Variants in SGCE observed in about 807,000 individuals in gnomAD.
SGCE encodes the protein sarcoglycan epsilon, also known as epsilon-sarcoglycan.
A neutral mutation model predicts 57.8 loss-of-function variants in SGCE; 26 were observed. That is an observed-to-expected ratio of 0.45 (90% CI 0.33 to 0.62). The LOEUF is 0.62. Among genes scored for constraint, SGCE ranks in the 20% least tolerant of loss-of-function variants. The pLI, the probability that SGCE is intolerant of heterozygous loss-of-function variation, is 0.02. For synonymous variants in SGCE, 183 were observed against 189.5 expected, an observed-to-expected ratio of 0.97 and a Z score of 0.28; for missense variants, 468 against 548.6, an observed-to-expected ratio of 0.85 and a Z score of 1.47.
intron 1 of SGCE, among the ~76,000 whole-genome samples, chr7:94,646,516 T>C (rs1286966507): frequency 6.6e-6 from 1 of 152,190 alleles, no homozygotes; most frequent in Non-Finnish European, 1.5e-5. Flanking sequence ...AAACAATGCA[T>C]ATAAGCAACA....
chr7:94,602,606 G>GAA (rs1799440154), intron 6 of SGCE, among the ~76,000 whole-genome samples: 1 of 151,278 alleles, frequency 6.6e-6, no homozygotes, highest in Non-Finnish European at 1.5e-5. Flanking sequence ...ACAAAGAATT[G>GAA]AAACAACTCT....
At chr7:94,631,999 C>T (rs1804796574) in intron 1 of SGCE, among the ~76,000 whole-genome samples, 1 of 151,930 alleles carries the variant, frequency 6.6e-6, no homozygotes, top group African/African-American at 2.4e-5. Flanking sequence ...ATAATTGTAT[C>T]AATGCCTATG....
chr7:94,629,630 A>C, intron 2 of SGCE, 89 bp downstream of exon 2: 1 of 1,153,156 alleles, frequency 8.7e-7, no homozygotes, highest in South Asian at 1.3e-5. Flanking sequence ...AATAATGTTA[A>C]TGATATTTTA....
chr7:94,636,216 A>C (rs1171318209), intron 1 of SGCE, among the ~76,000 whole-genome samples: 4 of 152,216 alleles, frequency 2.6e-5, no homozygotes, highest in African/African-American at 9.6e-5. Context: ...AATCGGAAAA[A>C]GGTTGCAAAC....
chr7:94,650,588 A>G (rs1807746810), intron 1 of SGCE, among the ~76,000 whole-genome samples: 1 of 149,252 alleles, frequency 6.7e-6, no homozygotes, highest in Non-Finnish European at 1.5e-5. Context: ...GGCTATTTAG[A>G]CAGTTTATCA....
At chr7:94,607,219 A>G (rs1267167893) in intron 5 of SGCE, among the ~76,000 whole-genome samples, 2 of 152,202 alleles carry the variant, frequency 1.3e-5, no homozygotes, top group East Asian at 3.8e-4. Flanking sequence ...TCTACTAGAC[A>G]TTTAAGGGAG....
At chr7:94,596,060 G>A (rs1175106971) in intron 9 of SGCE, among the ~76,000 whole-genome samples, 1 of 152,036 alleles carries the variant, frequency 6.6e-6, no homozygotes, top group Non-Finnish European at 1.5e-5. Context: ...TCTGAATAAT[G>A]TGAAGGTTTT....
chr7:94,655,724 G>T (rs1294105932), intron 1 of SGCE, among the ~76,000 whole-genome samples: 1 of 151,888 alleles, frequency 6.6e-6, no homozygotes, highest in Non-Finnish European at 1.5e-5. Context: ...AGGAATTGGA[G>T]ATGGAATTTC....
chr7:94,588,847 C>T, intron 9 of SGCE, 115 bp from the exon 10 acceptor site: 1 of 1,109,338 alleles, frequency 9.0e-7, no homozygotes, highest in East Asian at 2.5e-5. Flanking sequence ...GTCATGTAAT[C>T]CAGCACAATT....
intron 5 of SGCE, among the ~76,000 whole-genome samples, chr7:94,615,368 AGATAGATAGAT>A (rs1801739980): frequency 6.0e-4 from 1 of 1,662 alleles, no homozygotes; most frequent in Admixed American, 5.7e-3. Context: ...CAAAATAAAT[AGATAGATAGAT>A]AGATAGATAG....
At chr7:94,600,378 C>CA (rs1262679035) in intron 7 of SGCE, 6 of 400,346 alleles carry the variant, frequency 1.5e-5, no homozygotes, top group Admixed American at 4.2e-5. Context: ...TATCTAGCCT[C>CA]AATTATTCTT....
At chr7:94,588,055 G>A in intron 10 of SGCE, 1 of 1,351,148 alleles carries the variant, frequency 7.4e-7, no homozygotes, top group Non-Finnish European at 9.5e-7. Context: ...CCACTAATTA[G>A]AAGACAATCA....
chr7:94,621,692 T>C (rs548567458), intron 4 of SGCE: 2 of 152,350 alleles, frequency 1.3e-5, no homozygotes, highest in South Asian at 4.1e-4. Context: ...ACTTTATAAC[T>C]GTAATGATGA....
Position 94,648,244 on chromosome 7 carries a change from G to A in SGCE, c.109+7746C>T, listed in dbSNP as rs190595189. Among the ~76,000 whole-genome samples the A allele has an allele frequency of 1.8e-3, 273 of 151,660 alleles. 1 individual carries two copies. The highest frequency in any genetic ancestry group is 3.0e-3 in the Non-Finnish European group (202 of 67,866). On this transcript the variant is annotated intron_variant, in intron 1 of 10. Transcript: ENST00000648936. ...AAAAAAATTAGCTGGGCCTGGTGGC[G>A]GGTGCCTGTAATCCCAGCTATTTGG...
At position 94,588,739 on chromosome 7, in the gene SGCE, A is replaced by G; in HGVS notation, c.1254-7T>C. On this transcript the variant is annotated splice_polypyrimidine_tract_variant and splice_region_variant and intron_variant, in intron 9 of 10. Transcript: ENST00000648936. ...AGTCTGATGTGGCAAGTTCCTAGAAATGATGAACATTTTTGAGTAAAACTG... is the reference window on the plus strand; with the variant it reads ...AGTCTGATGTGGCAAGTTCCTAGAAGTGATGAACATTTTTGAGTAAAACTG... 6.2e-7 allele frequency: 1 copy of G among 1,611,940 alleles called. No homozygotes were observed. Among genetic ancestry groups the G allele is most frequent in the East Asian group, 2.2e-5 (1 of 44,808 alleles).
At chr7:94,646,167 T>A (rs1168707227) in intron 1 of SGCE, among the ~76,000 whole-genome samples, 1 of 152,230 alleles carries the variant, frequency 6.6e-6, no homozygotes, top group Non-Finnish European at 1.5e-5. Context: ...GGAAGCCTGA[T>A]GTAGTAAGAA....
intron 7 of SGCE, chr7:94,600,443 G>A: frequency 1.8e-6 from 1 of 543,298 alleles, no homozygotes; most frequent in East Asian, 3.2e-5. Flanking sequence ...TTTGAATAAA[G>A]TAATTATATC....
At chr7:94,639,478 A>T (rs1215410591) in intron 1 of SGCE, 16 of 1,279,308 alleles carry the variant, frequency 1.3e-5, no homozygotes, top group Non-Finnish European at 1.6e-5. Flanking sequence ...TGTACAAAAA[A>T]ATGAAATTAA....
Position 94,629,836 on chromosome 7 carries a change from T to C in SGCE, c.115A>G (p.Ser39Gly), listed in dbSNP as rs751226572. 1.2e-6 allele frequency: 2 copies of C among 1,610,576 alleles called. No homozygotes were observed. Among genetic ancestry groups the C allele is most frequent in the African/African-American group, 2.7e-5 (2 of 74,764 alleles). Residue 39 changes from serine (S) to glycine (G), a missense_variant, in exon 2 of 11, where the codon AGT (serine) becomes GGT (glycine). Transcript: ENST00000648936. ...TCGGAGTGTACCTTGGAGAAAATAC[T>C]GTACACTGAAAACAAAGAGGAAAGA... ...TTGTFLLTVY[S>G]IFSKVHSDRN...
Sources: gnomAD v4.1 joint callset for allele counts (sites outside exome capture counted in the v4.1 genomes callset) on GRCh38, gnomAD v4.1.1 for gene constraint, MANE v1.5 for transcripts, NCBI Gene and HGNC (gene_info 2026-07-23, HGNC 2026-07-21) for gene names.